NECAB1: variants seen among roughly 807,000 people sequenced by gnomAD.
The protein encoded by NECAB1 is N-terminal EF-hand calcium binding protein 1.
In NECAB1, 29 loss-of-function variants were observed where a neutral mutation model predicts 57.5. The ratio of observed to expected loss-of-function variants is 0.50; its 90% CI spans 0.38 to 0.69. The LOEUF is 0.69. Among genes scored for constraint, NECAB1 ranks in the 30% least tolerant of loss-of-function variants. The pLI, the probability that NECAB1 is intolerant of heterozygous loss-of-function variation, is 0.00. For missense variants in NECAB1, 372 were observed against 413.8 expected (o/e 0.90, Z 0.88); for synonymous variants, 142 against 147.7 (o/e 0.96, Z 0.28).
chr8:90,898,337 C>G (rs1563524313), intron 5 of NECAB1, among the ~76,000 whole-genome samples: 2 of 152,200 alleles, frequency 1.3e-5, no homozygotes, highest in Admixed American at 1.3e-4. Context: ...ATAGCCTTGT[C>G]TTTAGACTTA....
intron 5 of NECAB1, among the ~76,000 whole-genome samples, chr8:90,915,665 C>T (rs73298031): frequency 0.02 from 3,120 of 152,212 alleles, 107 homozygotes; most frequent in African/African-American, 0.07. Flanking sequence ...CATGATCACA[C>T]AGTAAAGTCC....
chr8:90,853,476 G>GAA (rs35176584), intron 3 of NECAB1, among the ~76,000 whole-genome samples: 5 of 151,820 alleles, frequency 3.3e-5, no homozygotes, highest in Admixed American at 3.3e-4. Flanking sequence ...ATTTTAAATA[G>GAA]AAAAAAACTG....
chr8:90,797,494 C>T (rs1223153648), intron 1 of NECAB1, among the ~76,000 whole-genome samples: 2 of 152,158 alleles, frequency 1.3e-5, no homozygotes, highest in African/African-American at 4.8e-5. Flanking sequence ...GCTCATGTTT[C>T]AAGCTGGCCA....
chr8:90,817,040 A>G (rs796639601), intron 2 of NECAB1, among the ~76,000 whole-genome samples: 1 of 151,748 alleles, frequency 6.6e-6, no homozygotes, highest in African/African-American at 2.4e-5. Flanking sequence ...ATTTTGTTGG[A>G]TCTACACCAA....
At chr8:90,955,385 A>G (rs1412301116) in intron 12 of NECAB1, 102 bp from the exon 13 acceptor site, 8 of 814,602 alleles carry the variant, frequency 9.8e-6, no homozygotes, top group Non-Finnish European at 1.6e-5. Flanking sequence ...TATGCAGACT[A>G]AAGGTAAGGG....
At chr8:90,816,180 T>G (rs1812058801) in intron 2 of NECAB1, among the ~76,000 whole-genome samples, 1 of 151,932 alleles carries the variant, frequency 6.6e-6, no homozygotes, top group Non-Finnish European at 1.5e-5. Flanking sequence ...TGTTTAGATC[T>G]TTTGCTGATT....
At chr8:90,941,559 A>G (rs1034833686) in intron 10 of NECAB1, among the ~76,000 whole-genome samples, 1 of 152,228 alleles carries the variant, frequency 6.6e-6, no homozygotes, top group Non-Finnish European at 1.5e-5. Context: ...TTATCATAGA[A>G]TTCCCTTAAC....
At chr8:90,901,235 TAA>T (rs34105450) in intron 5 of NECAB1, among the ~76,000 whole-genome samples, 15 of 144,808 alleles carry the variant, frequency 1.0e-4, no homozygotes, top group Non-Finnish European at 1.5e-4. Context: ...GTCTCTCTGT[TAA>T]AAAAAAAAAA....
intron 5 of NECAB1, among the ~76,000 whole-genome samples, chr8:90,911,347 T>C (rs183962339): frequency 1.3e-3 from 201 of 152,278 alleles, no homozygotes; most frequent in Non-Finnish European, 2.3e-3. Context: ...AGGATATGGC[T>C]CATAGAATTC....
chr8:90,952,507 G>A (rs1200869068), intron 12 of NECAB1, among the ~76,000 whole-genome samples: 2 of 152,082 alleles, frequency 1.3e-5, no homozygotes, highest in Admixed American at 6.6e-5. Context: ...GGCTGGGCGC[G>A]GTGGCTCACG....
At chr8:90,810,929 G>A (rs564328244) in intron 2 of NECAB1, among the ~76,000 whole-genome samples, 1 of 151,516 alleles carries the variant, frequency 6.6e-6, no homozygotes, top group Non-Finnish European at 1.5e-5. Context: ...GGAGAAAATT[G>A]AATATTTTTC....
Position 90,959,090 on chromosome 8 carries a change from GT to G in NECAB1, c.*3581del. On this transcript the variant is annotated 3_prime_UTR_variant, in exon 13 of 13. Transcript: ENST00000417640. Reference sequence around the variant, plus strand: ...GATTGAATACAGTTTTTACTAATTAGTTTATCAAACCAAATACTGTGAACGT... The same window carrying G: ...GATTGAATACAGTTTTTACTAATTAGTTATCAAACCAAATACTGTGAACGT... 1.2e-6 allele frequency: 1 copy of G among 800,150 alleles called. No individual in the cohort carries two copies. The highest frequency in any genetic ancestry group is 1.9e-6 in the Non-Finnish European group (1 of 519,950). 49.6% of individuals were successfully genotyped at this position (800,150 alleles called of 1,614,324 possible).
At chr8:90,807,058 AT>A (rs1811859089) in intron 2 of NECAB1, among the ~76,000 whole-genome samples, 1 of 152,136 alleles carries the variant, frequency 6.6e-6, no homozygotes, top group Non-Finnish European at 1.5e-5. Flanking sequence ...ATATACAAAT[AT>A]AATTATAGTT....
chr8:90,945,007 C>T (rs953571385), intron 10 of NECAB1, among the ~76,000 whole-genome samples: 3 of 152,154 alleles, frequency 2.0e-5, no homozygotes, highest in African/African-American at 7.2e-5. Flanking sequence ...AAGTGATCCT[C>T]TCACCTCAGC....
At chr8:90,934,846 T>C (rs16906589) in intron 9 of NECAB1, among the ~76,000 whole-genome samples, 8 of 152,242 alleles carry the variant, frequency 5.3e-5, no homozygotes, top group Middle Eastern at 3.4e-3. Context: ...AGGGACAAGA[T>C]GTCCATCCAG....
chr8:90,883,962 A>G (rs1808908691), intron 5 of NECAB1, among the ~76,000 whole-genome samples: 1 of 152,168 alleles, frequency 6.6e-6, no homozygotes, highest in Admixed American at 6.5e-5. Context: ...TGAATTCATC[A>G]CGTGCTATGT....
intron 9 of NECAB1, among the ~76,000 whole-genome samples, chr8:90,938,693 T>C (rs1421461441): frequency 1.3e-5 from 2 of 152,178 alleles, no homozygotes; most frequent in East Asian, 3.8e-4. Context: ...AAAAGATACA[T>C]CTGGTTTGGG....
intron 10 of NECAB1, among the ~76,000 whole-genome samples, chr8:90,941,710 C>T (rs539605810): frequency 2.6e-5 from 4 of 152,264 alleles, no homozygotes; most frequent in South Asian, 2.1e-4. Context: ...CACTCTGCCT[C>T]GGTGATGCAC....
At chr8:90,849,859 A>G (rs1458820958) in intron 3 of NECAB1, among the ~76,000 whole-genome samples, 1 of 151,826 alleles carries the variant, frequency 6.6e-6, no homozygotes, top group Non-Finnish European at 1.5e-5. Flanking sequence ...TATTAACAAA[A>G]CGGCCATAGT....
Sources: allele counts gnomAD v4.1 joint callset (sites outside exome capture counted in the v4.1 genomes callset), GRCh38; gene constraint gnomAD v4.1.1; transcripts MANE v1.5; gene names NCBI Gene and HGNC (gene_info 2026-07-23, HGNC 2026-07-21).